The following LARP1 variants were observed in gnomAD, a reference collection of about 807,000 sequenced individuals.
The protein encoded by LARP1 is La ribonucleoprotein 1, translational regulator.
A neutral mutation model predicts 122.7 loss-of-function variants in LARP1; 36 were observed. That is an observed-to-expected ratio of 0.29 (90% CI 0.22 to 0.39). The LOEUF (loss-of-function observed/expected upper bound fraction) is 0.39. Ranked by LOEUF, LARP1 falls within the 10% of genes least tolerant of loss-of-function variation. The probability of loss-of-function intolerance (pLI) is 1.00; values close to 1 mark genes in which losing one functional copy is unlikely to be tolerated. For synonymous variants in LARP1, 539 were observed against 528.7 expected (o/e 1.02, Z -0.27); for missense variants, 1,040 against 1,403.6 (o/e 0.74, Z 4.14).
At chr5:154,756,933 C>T (rs116728951) in intron 1 of LARP1, among the ~76,000 whole-genome samples, 11,413 of 149,620 alleles carry the variant, frequency 0.076, 503 homozygotes, top group Admixed American at 0.14. Context: ...GAGGGGCCTG[C>T]GGCGACTTGA....
chr5:154,771,827 T>C (rs1052873002), intron 1 of LARP1, among the ~76,000 whole-genome samples: 1 of 152,136 alleles, frequency 6.6e-6, no homozygotes, highest in African/African-American at 2.4e-5. Context: ...TTGTAGTTTT[T>C]CACGAATGGC....
In LARP1 at chr5:154,806,102, G is replaced by C. The variant is rs1178610140; in HGVS notation, c.2698+70G>C. 5 of 1,486,658 alleles carry C rather than the reference G, an allele frequency of 3.4e-6. No individual in the cohort carries two copies. The African/African-American group carries it at 4.2e-5, about 13-fold the overall frequency. 92.1% of individuals were successfully genotyped at this position (1,486,658 alleles called of 1,614,324 possible). ...TTAGACCCAGAGTATAAGAGTTGGG[G>C]GATACGGGGATAGGTGACTCTTTTC... is the stretch of plus-strand genomic sequence containing the variant. On this transcript the variant is annotated intron_variant, in intron 15 of 18. Coordinates refer to ENST00000518297, the MANE Select transcript of LARP1 (RefSeq NM_033551.3).
At chr5:154,689,412 T>C (rs1754087070) in intron 1 of LARP1, among the ~76,000 whole-genome samples, 1 of 151,728 alleles carries the variant, frequency 6.6e-6, no homozygotes, top group Non-Finnish European at 1.5e-5. Flanking sequence ...GATCGTGCCA[T>C]TGCACTCCAG....
chr5:154,700,238 A>T (rs1754649809), intron 1 of LARP1, among the ~76,000 whole-genome samples: 1 of 152,244 alleles, frequency 6.6e-6, no homozygotes, highest in Non-Finnish European at 1.5e-5. Flanking sequence ...AAATAAAAGC[A>T]GGATCAGTAG....
chr5:154,715,525 G>A (rs544255535), intron 1 of LARP1, among the ~76,000 whole-genome samples: 4 of 152,230 alleles, frequency 2.6e-5, no homozygotes, highest in Non-Finnish European at 4.4e-5. Context: ...TTACAGGCAT[G>A]AGCCACCGTG....
At chr5:154,715,184 A>AAAAGAAG (rs530728816) in intron 1 of LARP1, among the ~76,000 whole-genome samples, 210 of 151,984 alleles carry the variant, frequency 1.4e-3, no homozygotes, top group Non-Finnish European at 2.5e-3. Context: ...TGTCTCAAAA[A>AAAAGAAG]AAAGAAGAAA....
intron 1 of LARP1, among the ~76,000 whole-genome samples, chr5:154,735,971 G>A (rs906075138): frequency 6.6e-6 from 1 of 151,978 alleles, no homozygotes; most frequent in Non-Finnish European, 1.5e-5. Context: ...CCAGGCAAGA[G>A]TGCAGTGGCA....
At chr5:154,782,631 C>T (rs1306101975) in intron 1 of LARP1, among the ~76,000 whole-genome samples, 2 of 152,204 alleles carry the variant, frequency 1.3e-5, no homozygotes, top group Non-Finnish European at 2.9e-5. Context: ...GACTGGTGGT[C>T]TGCAGCTTCC....
intron 1 of LARP1, among the ~76,000 whole-genome samples, chr5:154,738,481 A>G (rs1757036044): frequency 6.6e-6 from 1 of 151,884 alleles, no homozygotes; most frequent in Admixed American, 6.6e-5. Flanking sequence ...AATCCCAGCT[A>G]CTCTGGAGGC....
intron 1 of LARP1, among the ~76,000 whole-genome samples, chr5:154,717,186 C>T (rs1755560007): frequency 6.6e-6 from 1 of 152,108 alleles, no homozygotes; most frequent in African/African-American, 2.4e-5. Flanking sequence ...TCCACATTCT[C>T]ATATGCCAAC....
intron 1 of LARP1, among the ~76,000 whole-genome samples, chr5:154,789,232 T>A (rs902621156): frequency 2.7e-5 from 4 of 145,756 alleles, no homozygotes; most frequent in East Asian, 2.0e-4. Context: ...TTTTTTTTTT[T>A]TTTTTTTGAG....
At chr5:154,689,182 G>A (rs926582088) in intron 1 of LARP1, among the ~76,000 whole-genome samples, 1 of 151,796 alleles carries the variant, frequency 6.6e-6, no homozygotes, top group South Asian at 2.1e-4. Context: ...GGCTGGGTGC[G>A]GTGGCTCACG....
chr5:154,703,948 A>G lies in LARP1; in HGVS notation c.-180+20911A>G, dbSNP rs528905336. On this transcript the variant is annotated intron_variant, in intron 1 of 18. Coordinates refer to the LARP1 transcript ENST00000687700. Reference sequence around the variant, plus strand: ...AATTTTTTTAAATAAATAAATATTCATTCAACAAGCATTGATTGAGTGCCA... The same window carrying G: ...AATTTTTTTAAATAAATAAATATTCGTTCAACAAGCATTGATTGAGTGCCA... Among the ~76,000 whole-genome samples, 9 of 152,258 alleles carry G rather than the reference A, an allele frequency of 5.9e-5. No homozygotes were observed. The East Asian group carries it at 9.7e-4, about 16-fold the overall frequency.
Position 154,756,204 on chromosome 5 carries a change from C to T in LARP1, c.436+11C>T. 1 of 1,254,258 alleles carries T rather than the reference C, an allele frequency of 8.0e-7. No homozygotes were observed. The highest frequency in any genetic ancestry group is 2.9e-5 in the Admixed American group (1 of 33,994). The allele number at this position is 1,254,258 out of a possible 1,614,324, so 77.7% of individuals were successfully genotyped here. ...GACAGTCCCCCCCAGGTGGGTCTCC[C>T]TCCTTGCCCTCCTGGGTCCGGGGGC... On this transcript the variant is annotated intron_variant, in intron 1 of 18. Coordinates refer to ENST00000518297, the MANE Select transcript of LARP1 (RefSeq NM_033551.3).
At chr5:154,728,551 G>A (rs1314557958) in intron 1 of LARP1, among the ~76,000 whole-genome samples, 2 of 152,096 alleles carry the variant, frequency 1.3e-5, no homozygotes, top group Admixed American at 6.6e-5. Flanking sequence ...TGGGAAAATG[G>A]AGAGAGAGGC....
chr5:154,779,022 C>T (rs1756161705), intron 1 of LARP1, among the ~76,000 whole-genome samples: 1 of 150,502 alleles, frequency 6.6e-6, no homozygotes, highest in African/African-American at 2.5e-5. Context: ...ATATTCTCTC[C>T]CCGCTTACCC....
exon 1 of LARP1, chr5:154,712,913 C>A (rs754199250): frequency 1.9e-6 from 3 of 1,613,126 alleles, no homozygotes; most frequent in African/African-American, 1.3e-5. Flanking sequence ...TGACCCCAGG[C>A]CCTGGTCACT....
chr5:154,805,892 C>T lies in LARP1; in HGVS notation c.2558C>T (p.Ser853Leu). 6.2e-7 allele frequency: 1 copy of T among 1,613,882 alleles called. No homozygotes were observed. The change falls in exon 15 of 19, where the codon TCA (serine) becomes TTA (leucine). Residue 853 changes from serine (S) to leucine (L), a missense_variant. By Grantham distance (145) the Ser-to-Leu change is moderately radical. Around this residue, in one of 8 missense-constraint regions of LARP1, gnomAD observed 26 missense variants for 27.5 expected, o/e 0.94. Coordinates refer to ENST00000518297, the MANE Select transcript of LARP1 (RefSeq NM_033551.3). ...TGTGGTTTCTGTAGCTCCAGCCCCTCAGAAGGGACGCCTACAGTTGGCAGC... is the reference window on the plus strand; with the variant it reads ...TGTGGTTTCTGTAGCTCCAGCCCCTTAGAAGGGACGCCTACAGTTGGCAGC... Reference protein sequence around the residue: ...PRTASISSSPSEGTPTVGSYG... With the variant: ...PRTASISSSPLEGTPTVGSYG...
intron 1 of LARP1, among the ~76,000 whole-genome samples, chr5:154,767,714 C>G (rs573677770): frequency 2.0e-5 from 3 of 152,304 alleles, no homozygotes; most frequent in Non-Finnish European, 4.4e-5. Flanking sequence ...AGAGCTCTCT[C>G]TGATTTTTCT....
Sources: allele counts gnomAD v4.1 joint callset (sites outside exome capture counted in the v4.1 genomes callset), GRCh38; gene constraint gnomAD v4.1.1; regional missense constraint gnomAD v4.1.1; transcripts MANE v1.5; gene names NCBI Gene and HGNC (gene_info 2026-07-23, HGNC 2026-07-21).